TMEM214: variants seen among roughly 807,000 people sequenced by gnomAD.
The protein encoded by TMEM214 is transmembrane protein 214.
TMEM214 carries 71 observed loss-of-function variants against 89.8 expected under a neutral mutation model. The observed-to-expected ratio is 0.79, with a 90% CI of 0.65 to 0.96. TMEM214 has a LOEUF of 0.96. Ranked by LOEUF, TMEM214 falls within the 40% of genes least tolerant of loss-of-function variation. TMEM214 has a pLI of 0.00. For missense variants in TMEM214, 754 were observed against 843.4 expected, an observed-to-expected ratio of 0.89 and a Z score of 1.31; for synonymous variants, 332 against 349.5, an observed-to-expected ratio of 0.95 and a Z score of 0.56.
In TMEM214 at chr2:27,038,065, G is replaced by A. The variant is rs759145412; in HGVS notation, c.1153-81G>A. 1.9e-6 allele frequency: 3 copies of A among 1,612,266 alleles called. No homozygotes were observed. In the Admixed American group the frequency reaches 5.0e-5, roughly 27 times the overall value. ...TGCGGCCTGGATGGCCTTGCTTACG[G>A]GAAGGGGATCACCTCTTAGCACTCC... On this transcript the variant is annotated intron_variant, in intron 9 of 16. Coordinates refer to ENST00000238788, the MANE Select transcript of TMEM214 (RefSeq NM_017727.5). The surrounding 1 kb of genome is among the most constrained non-coding windows in gnomAD (Gnocchi z 4.4).
In TMEM214 at chr2:27,037,836, C is replaced by T. The variant is rs768823550; in HGVS notation, c.1152+134C>T. On this transcript the variant is annotated intron_variant, in intron 9 of 16. Transcript: ENST00000238788. ...TTAGCTCCCTGTTGACAGCTGCCTGCCCCGCTCACTCGAGCTTCACCCTCA... is the reference window on the plus strand; with the variant it reads ...TTAGCTCCCTGTTGACAGCTGCCTGTCCCGCTCACTCGAGCTTCACCCTCA... 7.6e-6 allele frequency: 12 copies of T among 1,583,044 alleles called. No individual in the cohort carries two copies. The African/African-American group carries it at 1.3e-4, about 18-fold the overall frequency.
In TMEM214 at chr2:27,038,633, T is replaced by C; in HGVS notation, c.1294-69T>C. ...GTCCCTTCCCTGAGAAGGGACCCTG[T>C]TGGCATGGAAAATGAAGCAGGATGG... On this transcript the variant is annotated intron_variant, in intron 11 of 16. Transcript: ENST00000238788. The surrounding 1 kb of genome is among the most constrained non-coding windows in gnomAD (Gnocchi z 4.4). The C allele has an allele frequency of 6.2e-7, 1 of 1,603,608 alleles. No homozygotes were observed. The highest frequency in any genetic ancestry group is 8.5e-7 in the Non-Finnish European group (1 of 1,171,958).
At position 27,033,010 on chromosome 2, in the gene TMEM214, C is replaced by G. The variant is rs372186280; in HGVS notation, c.-6C>G. 1.2e-4 allele frequency: 151 copies of G among 1,246,190 alleles called. No homozygotes were observed. In the African/African-American group the frequency reaches 2.1e-3, roughly 17 times the overall value. The allele number at this position is 1,246,190 out of a possible 1,614,324, so 77.2% of individuals were successfully genotyped here. On this transcript the variant is annotated 5_prime_UTR_variant, in exon 1 of 17. Coordinates refer to ENST00000238788, the MANE Select transcript of TMEM214 (RefSeq NM_017727.5). ...GGAAGTGGCCGAGGAGGGAGGGCTGCGAGCCATGGCGACCAAGACGGCGGG... is the reference window on the plus strand; with the variant it reads ...GGAAGTGGCCGAGGAGGGAGGGCTGGGAGCCATGGCGACCAAGACGGCGGG...
intron 5 of TMEM214, 79 bp downstream of exon 5, chr2:27,036,131 G>A: frequency 2.2e-6 from 3 of 1,339,782 alleles, no homozygotes; most frequent in Non-Finnish European, 3.2e-6. Flanking sequence ...TTGGACTCAG[G>A]TTTGGGATAG....
intron 13 of TMEM214, 172 bp from the exon 14 acceptor site, chr2:27,039,569 G>A (rs2148248927): frequency 3.1e-6 from 2 of 650,704 alleles, no homozygotes; most frequent in Non-Finnish European, 5.5e-6. Context: ...AGCAGGAGAA[G>A]GGCAGCTCTG....
At chr2:27,035,762 GA>G in intron 4 of TMEM214, 34 bp downstream of exon 4, 1 of 1,613,498 alleles carries the variant, frequency 6.2e-7, no homozygotes, top group African/African-American at 1.3e-5. Flanking sequence ...ACCATCTTGG[GA>G]GCCTCCTCCT....
At position 27,034,148 on chromosome 2, in the gene TMEM214, C is replaced by G. The variant is rs778978855; in HGVS notation, c.233C>G (p.Pro78Arg). 1.5e-5 allele frequency: 25 copies of G among 1,614,088 alleles called. No individual in the cohort carries two copies. In the African/African-American group the frequency reaches 3.2e-4, roughly 21 times the overall value. ...MKRQNKEQVP[P>R]PAVEPKKPGN... is the part of the protein sequence containing the mutation. ...CGGCAGAATAAGGAGCAGGTCCCAC[C>G]CCCTGCTGTGGAACCTAAGAAACCA... The change falls in exon 2 of 17, where the codon CCC becomes CGC. Residue 78 changes from proline to arginine, a missense_variant. By Grantham distance (103) the Pro-to-Arg change is moderately radical. Coordinates refer to ENST00000238788, the MANE Select transcript of TMEM214 (RefSeq NM_017727.5).
chr2:27,038,485 C>G lies in TMEM214; in HGVS notation c.1246C>G (p.Leu416Val), dbSNP rs1291229001. The change falls in exon 11 of 17, where the codon CTT becomes GTT. Residue 416 changes from leucine to valine, a missense_variant and splice_region_variant. Leu to Val is a conservative substitution (Grantham distance 32). Coordinates refer to ENST00000238788, the MANE Select transcript of TMEM214 (RefSeq NM_017727.5). The surrounding 1 kb of genome is among the most constrained non-coding windows in gnomAD (Gnocchi z 4.4). ...LYPKHLSQSSLLLEHLLSSWE... is the reference protein window; with the variant it reads ...LYPKHLSQSSVLLEHLLSSWE... Reference sequence around the variant, plus strand: ...TAGGGGGTTGTGCTTTCCCCACAGCCTTCTGCTGGAGCACTTGCTCAGCTC... The same window carrying G: ...TAGGGGGTTGTGCTTTCCCCACAGCGTTCTGCTGGAGCACTTGCTCAGCTC... 1.2e-6 allele frequency: 2 copies of G among 1,613,922 alleles called. No homozygotes were observed. The highest frequency in any genetic ancestry group is 1.7e-6 in the Non-Finnish European group (2 of 1,179,994).
At position 27,033,097 on chromosome 2, in the gene TMEM214, G is replaced by C. The variant is rs1282613814; in HGVS notation, c.82G>C (p.Gly28Arg). The C allele has an allele frequency of 3.2e-6, 4 of 1,247,106 alleles. No individual in the cohort carries two copies. Among genetic ancestry groups the C allele is most frequent in the Non-Finnish European group, 3.0e-6 (3 of 987,454 alleles). 77.3% of individuals were successfully genotyped at this position (1,247,106 alleles called of 1,614,324 possible). ...RRPGVGAGAG[G>R]RGGGRNRRAL... ...GCCTGGGGTCGGCGCCGGCGCCGGCGGCCGAGGAGGCGGCAGGAACCGCAG... is the reference window on the plus strand; with the variant it reads ...GCCTGGGGTCGGCGCCGGCGCCGGCCGCCGAGGAGGCGGCAGGAACCGCAG... The change falls in exon 1 of 17, where the codon GGC (glycine) becomes CGC (arginine). Residue 28 changes from glycine (G) to arginine (R), a missense_variant. Transcript: ENST00000238788.
In TMEM214 at chr2:27,037,718, G is replaced by T; in HGVS notation, c.1152+16G>T. 1 of 1,614,098 alleles carries T rather than the reference G, an allele frequency of 6.2e-7. No homozygotes were observed. Among genetic ancestry groups the T allele is most frequent in the Non-Finnish European group, 8.5e-7 (1 of 1,180,012 alleles). ...GAAGAAAGAGGTGAGGATATGGTGGGAGGCTTTTTCTCCTTCCCCAGGGGT... is the reference window on the plus strand; with the variant it reads ...GAAGAAAGAGGTGAGGATATGGTGGTAGGCTTTTTCTCCTTCCCCAGGGGT... On this transcript the variant is annotated intron_variant, in intron 9 of 16. Coordinates refer to ENST00000238788, the MANE Select transcript of TMEM214 (RefSeq NM_017727.5).
chr2:27,038,808 C>T lies in TMEM214; in HGVS notation c.1400C>T (p.Ala467Val), dbSNP rs1468860071. ...CAGGATGTCGTCACCTGTGACATGG[C>T]CTGCAAGGTGCTGGCACCCGGTCCT... is the stretch of plus-strand genomic sequence containing the variant. ...NNQDVVTCDM[A>V]CKGLLQQVQG... The change falls in exon 12 of 17, where the codon GCC becomes GTC. Residue 467 changes from alanine (A) to valine (V), a missense_variant. Coordinates refer to ENST00000238788, the MANE Select transcript of TMEM214 (RefSeq NM_017727.5). This position sits in a 1 kb window ranked among gnomAD's most constrained non-coding sequence, Gnocchi z 4.4. 2 of 1,613,568 alleles carry T rather than the reference C, an allele frequency of 1.2e-6. No individual in the cohort carries two copies. The highest frequency in any genetic ancestry group is 2.7e-5 in the African/African-American group (2 of 74,926).
rs1477574016 is a variant in TMEM214 at position 27,040,421 on chromosome 2, A to G, written c.1868A>G (p.Asn623Ser). 1.2e-6 allele frequency: 2 copies of G among 1,614,064 alleles called. No homozygotes were observed. Among genetic ancestry groups the G allele is most frequent in the Admixed American group, 1.7e-5 (1 of 60,008 alleles). ...LRELPLLFHQ[N>S]VLLPLWHLLL... is the part of the protein sequence containing the mutation. Reference sequence around the variant, plus strand: ...GAGCTGCCCCTGCTTTTCCACCAGAATGTGCTGCTGCCACTGTGGCACCTC... The same window carrying G: ...GAGCTGCCCCTGCTTTTCCACCAGAGTGTGCTGCTGCCACTGTGGCACCTC... Residue 623 changes from asparagine to serine, a missense_variant, in exon 16 of 17, where the codon AAT (asparagine) becomes AGT (serine). Physicochemically the swap from Asn to Ser is conservative, Grantham distance 46 (BLOSUM62 1). Transcript: ENST00000238788.
At chr2:27,037,467 C>T (rs1667614901) in intron 8 of TMEM214, 94 bp from the exon 9 acceptor site, 1 of 1,502,934 alleles carries the variant, frequency 6.7e-7, no homozygotes, top group Non-Finnish European at 9.2e-7. Flanking sequence ...GGCTATTCCC[C>T]ACAGGCAGGC....
Position 27,040,699 on chromosome 2 carries a change from C to CTT in TMEM214, c.1944-10_1944-9dup, listed in dbSNP as rs757979989. On this transcript the variant is annotated splice_polypyrimidine_tract_variant and intron_variant, in intron 16 of 16. Coordinates refer to ENST00000238788, the MANE Select transcript of TMEM214 (RefSeq NM_017727.5). ...CACGTGCATACTCAAAAATGTTCCA[C>CTT]TTTCCTTCCAGAGGTGAGGTGACCT... The CTT allele has an allele frequency of 6.2e-7, 1 of 1,613,286 alleles. No homozygotes were observed. Among genetic ancestry groups the CTT allele is most frequent in the East Asian group, 2.2e-5 (1 of 44,854 alleles).
intron 2 of TMEM214, 90 bp from the exon 3 acceptor site, chr2:27,035,045 A>C (rs1667489428): frequency 6.8e-7 from 1 of 1,477,240 alleles, no homozygotes; most frequent in Admixed American, 1.9e-5. Context: ...ACTGCCACCT[A>C]GTTCAACCAT....
chr2:27,036,842 T>C (rs914694938), intron 7 of TMEM214, 56 bp downstream of exon 7: 34 of 1,561,218 alleles, frequency 2.2e-5, no homozygotes, highest in Admixed American at 5.0e-5. Flanking sequence ...GTGGCTGTTA[T>C]AGCAAAATGG....
rs773400942 is a variant in TMEM214, at chr2:27,038,860, T to C, written c.1407+45T>C. ...TCCAGCCCACACGCTATCTTACATC[T>C]CTGTCTCAGCACACCTGGGTTGGGC... On this transcript the variant is annotated intron_variant, in intron 12 of 16. Coordinates refer to ENST00000238788, the MANE Select transcript of TMEM214 (RefSeq NM_017727.5). The surrounding 1 kb of genome is among the most constrained non-coding windows in gnomAD (Gnocchi z 4.4). The C allele has an allele frequency of 6.4e-7, 1 of 1,562,684 alleles. No individual in the cohort carries two copies. Among genetic ancestry groups the C allele is most frequent in the South Asian group, 1.1e-5 (1 of 89,312 alleles).
At chr2:27,039,530 C>T (rs908832128) in intron 13 of TMEM214, 5 of 608,468 alleles carry the variant, frequency 8.2e-6, no homozygotes, top group Middle Eastern at 4.3e-4. Flanking sequence ...AGGCTCCAAC[C>T]GGCAGCTGCA....
At position 27,038,905 on chromosome 2, in the gene TMEM214, C is replaced by A; in HGVS notation, c.1407+90C>A. The A allele has an allele frequency of 7.0e-7, 1 of 1,425,654 alleles. No individual in the cohort carries two copies. The highest frequency in any genetic ancestry group is 9.8e-7 in the Non-Finnish European group (1 of 1,015,930). The allele number at this position is 1,425,654 out of a possible 1,614,324, so 88.3% of individuals were successfully genotyped here. ...TTGGGCCTGTATCACATTCCTGCCCCACCTGTCTGGAGCCCCCCGCTGCCT... is the reference window on the plus strand; with the variant it reads ...TTGGGCCTGTATCACATTCCTGCCCAACCTGTCTGGAGCCCCCCGCTGCCT... On this transcript the variant is annotated intron_variant, in intron 12 of 16. Coordinates refer to ENST00000238788, the MANE Select transcript of TMEM214 (RefSeq NM_017727.5). The surrounding 1 kb of genome is among the most constrained non-coding windows in gnomAD (Gnocchi z 4.4).
Sources: gnomAD v4.1 joint callset for allele counts on GRCh38, gnomAD v4.1.1 for gene constraint, Gnocchi (gnomAD v3.1) non-coding constraint, MANE v1.5 for transcripts, NCBI Gene and HGNC (gene_info 2026-07-23, HGNC 2026-07-21) for gene names.